Variants in CDK14 observed in about 807,000 individuals in gnomAD.
The protein encoded by CDK14 is cyclin dependent kinase 14.
CDK14 carries 34 observed loss-of-function variants against 60.7 expected under a neutral mutation model. The observed-to-expected ratio is 0.56, with a 90% CI of 0.43 to 0.75. CDK14 has a LOEUF of 0.75. Among genes scored for constraint, CDK14 ranks in the 30% least tolerant of loss-of-function variants. The pLI is 0.00. For missense variants in CDK14, 482 were observed against 564.1 expected, an observed-to-expected ratio of 0.85 and a Z score of 1.47; for synonymous variants, 197 against 203.7, an observed-to-expected ratio of 0.97 and a Z score of 0.28.
At chr7:90,992,039 A>G (rs1274283980) in intron 10 of CDK14, among the ~76,000 whole-genome samples, 4 of 152,242 alleles carry the variant, frequency 2.6e-5, no homozygotes, top group Non-Finnish European at 5.9e-5. Flanking sequence ...AAGATGTTGC[A>G]AAAATAAACA....
At chr7:91,137,703 T>C (rs1476441117) in intron 14 of CDK14, among the ~76,000 whole-genome samples, 2 of 137,812 alleles carry the variant, frequency 1.5e-5, no homozygotes, top group Admixed American at 1.4e-4. Flanking sequence ...GGTGTGTGTG[T>C]GTGTGTGTGT....
At chr7:91,118,252 T>C in intron 14 of CDK14, 44 bp downstream of exon 14, 2 of 878,172 alleles carry the variant, frequency 2.3e-6, no homozygotes, top group South Asian at 1.5e-5. Flanking sequence ...TTAATGGATA[T>C]TGAACGGATT....
rs534845292 is a variant in CDK14 at position 91,175,253 on chromosome 7, A to C, written c.*29-31912A>C. Among the ~76,000 whole-genome samples the C allele has an allele frequency of 1.8e-4, 27 of 152,298 alleles. 1 individual carries two copies. In the South Asian group the frequency reaches 5.4e-3, roughly 30 times the overall value. ...AATAAAATAGTTTACAGACAAGCAA[A>C]TGCTGAGAGATTTTTGTCACCACCA... On this transcript the variant is annotated intron_variant, in intron 14 of 14. Coordinates refer to ENST00000380050, the MANE Select transcript of CDK14 (RefSeq NM_001287135.2).
chr7:90,764,281 CCTA>C (rs1192635519), intron 4 of CDK14, among the ~76,000 whole-genome samples: 72 of 152,248 alleles, frequency 4.7e-4, no homozygotes, highest in African/African-American at 1.4e-3. Context: ...ATTCAAATGA[CCTA>C]CTCAGGTGCC....
intron 12 of CDK14, among the ~76,000 whole-genome samples, chr7:91,088,469 G>A (rs529927470): frequency 6.6e-6 from 1 of 151,960 alleles, no homozygotes; most frequent in Non-Finnish European, 1.5e-5. Context: ...TTATTTTTCT[G>A]TCTTCTCTGA....
intron 6 of CDK14, among the ~76,000 whole-genome samples, chr7:90,872,238 A>G (rs1365528647): frequency 2.6e-5 from 4 of 152,212 alleles, no homozygotes; most frequent in East Asian, 1.9e-4. Flanking sequence ...TGTAAACAAT[A>G]GGAAAACTAG....
intron 2 of CDK14, among the ~76,000 whole-genome samples, chr7:90,711,736 A>C (rs1389996273): frequency 6.6e-6 from 1 of 152,052 alleles, no homozygotes; most frequent in South Asian, 2.1e-4. Flanking sequence ...GCCCCATTAT[A>C]CTTTCTCATG....
intron 14 of CDK14, among the ~76,000 whole-genome samples, chr7:91,121,195 T>C (rs1562913222): frequency 6.6e-6 from 1 of 152,204 alleles, no homozygotes; most frequent in Non-Finnish European, 1.5e-5. Context: ...TCTTAGACTT[T>C]GATTTTGCGT....
At chr7:91,059,948 C>T (rs1797725276) in intron 11 of CDK14, among the ~76,000 whole-genome samples, 1 of 152,110 alleles carries the variant, frequency 6.6e-6, no homozygotes, top group Admixed American at 6.5e-5. Context: ...GAGTTCAATT[C>T]CTGGGTATCC....
intron 12 of CDK14, among the ~76,000 whole-genome samples, chr7:91,091,326 CAT>C (rs1306032654): frequency 4.3e-5 from 6 of 141,090 alleles, no homozygotes; most frequent in Non-Finnish European, 6.1e-5. Context: ...TATGTATACA[CAT>C]ATGTGTATAC....
intron 3 of CDK14, among the ~76,000 whole-genome samples, chr7:90,733,590 T>G (rs570777593): frequency 1.3e-5 from 2 of 152,348 alleles, no homozygotes; most frequent in East Asian, 3.9e-4. Context: ...CTTTGTTTCT[T>G]TTTAACTTTG....
intron 5 of CDK14, among the ~76,000 whole-genome samples, chr7:90,829,457 A>G (rs1326903203): frequency 6.6e-6 from 1 of 152,190 alleles, no homozygotes; most frequent in Non-Finnish European, 1.5e-5. Context: ...AAATGTTCCC[A>G]TTCTAACAGG....
At chr7:91,047,453 G>A (rs757755723) in intron 11 of CDK14, among the ~76,000 whole-genome samples, 7 of 152,178 alleles carry the variant, frequency 4.6e-5, no homozygotes, top group Non-Finnish European at 7.4e-5. Context: ...TACCCATTAA[G>A]CTAACAGATT....
intron 14 of CDK14, among the ~76,000 whole-genome samples, chr7:91,137,677 C>A (rs899083591): frequency 3.1e-5 from 3 of 95,592 alleles, no homozygotes; most frequent in African/African-American, 2.0e-4. Flanking sequence ...AGCTCTACTT[C>A]TAAAGACTTG....
chr7:91,015,683 A>G (rs557586806), intron 10 of CDK14, among the ~76,000 whole-genome samples: 6 of 150,798 alleles, frequency 4.0e-5, no homozygotes, highest in Non-Finnish European at 8.9e-5. Flanking sequence ...ACCCGCCACC[A>G]TGCCCGGCTA....
chr7:90,673,490 C>T (rs904091032), intron 2 of CDK14, among the ~76,000 whole-genome samples: 8 of 149,378 alleles, frequency 5.4e-5, no homozygotes, highest in East Asian at 2.1e-4. Context: ...GGCACAGTCA[C>T]GGCTCACTGC....
chr7:90,879,841 A>G (rs924100381), intron 6 of CDK14, among the ~76,000 whole-genome samples: 4 of 151,274 alleles, frequency 2.6e-5, no homozygotes, highest in Non-Finnish European at 5.9e-5. Context: ...GCAGTGTGGT[A>G]TGGTGGACCA....
intron 2 of CDK14, among the ~76,000 whole-genome samples, chr7:90,681,680 A>G (rs1323465778): frequency 6.6e-6 from 1 of 152,222 alleles, no homozygotes; most frequent in African/African-American, 2.4e-5. Context: ...AATAGGATAC[A>G]GGTGTTACTA....
chr7:91,181,985 T>C (rs1283066818), intron 14 of CDK14, among the ~76,000 whole-genome samples: 1 of 152,196 alleles, frequency 6.6e-6, no homozygotes, highest in African/African-American at 2.4e-5. Flanking sequence ...GATTATGATA[T>C]GTATGTTTCT....
Sources: gnomAD v4.1 joint callset for allele counts (sites outside exome capture counted in the v4.1 genomes callset) on GRCh38, gnomAD v4.1.1 for gene constraint, MANE v1.5 for transcripts, NCBI Gene and HGNC (gene_info 2026-07-23, HGNC 2026-07-21) for gene names.